Variants in ZBTB20 observed in about 807,000 individuals in gnomAD.
ZBTB20 encodes the protein zinc finger and BTB domain containing 20.
In ZBTB20, 9 loss-of-function variants were observed where a neutral mutation model predicts 56.9. The ratio of observed to expected loss-of-function variants is 0.16; its 90% CI spans 0.10 to 0.28. The LOEUF is 0.28. ZBTB20 is among the 10% of genes least tolerant of loss of function. The pLI is 1.00. For missense variants in ZBTB20, 655 were observed against 1,003.0 expected (o/e 0.65, Z 4.69); for synonymous variants, 417 against 420.7 (o/e 0.99, Z 0.11).
chr3:114,446,367 T>C (rs1013812839), intron 7 of ZBTB20, among the ~76,000 whole-genome samples: 2 of 152,178 alleles, frequency 1.3e-5, no homozygotes, highest in Non-Finnish European at 2.9e-5. Context: ...ACAAATGTTA[T>C]TCTCATCATG....
At chr3:114,662,242 T>G (rs1175128859) in intron 6 of ZBTB20, among the ~76,000 whole-genome samples, 1 of 152,126 alleles carries the variant, frequency 6.6e-6, no homozygotes, top group East Asian at 1.9e-4. Flanking sequence ...ACTCATCATT[T>G]TTTATGGCTG....
At chr3:115,086,141 C>T (rs1035613144) in intron 1 of ZBTB20, among the ~76,000 whole-genome samples, 2 of 151,816 alleles carry the variant, frequency 1.3e-5, no homozygotes, top group African/African-American at 2.4e-5. Flanking sequence ...CCTTTTATCT[C>T]ACTAATAAAT....
chr3:114,454,308 C>T (rs1213896075), intron 7 of ZBTB20, among the ~76,000 whole-genome samples: 1 of 151,326 alleles, frequency 6.6e-6, no homozygotes, highest in Admixed American at 6.6e-5. Context: ...CCGTCTAAAT[C>T]CACCTGCTAG....
At chr3:114,893,958 C>T (rs1022620386) in intron 4 of ZBTB20, among the ~76,000 whole-genome samples, 9 of 152,136 alleles carry the variant, frequency 5.9e-5, no homozygotes, top group East Asian at 1.9e-4. Flanking sequence ...GTAAACACGT[C>T]GGCAGTCAGT....
intron 3 of ZBTB20, among the ~76,000 whole-genome samples, chr3:114,916,061 G>C (rs2075732135): frequency 6.6e-6 from 1 of 152,040 alleles, no homozygotes. Flanking sequence ...ATATGTATTA[G>C]GTTCATTCAG....
intron 3 of ZBTB20, among the ~76,000 whole-genome samples, chr3:114,937,471 G>C (rs1335074259): frequency 6.6e-6 from 1 of 151,458 alleles, no homozygotes; most frequent in Non-Finnish European, 1.5e-5. Flanking sequence ...GCCCATGCTG[G>C]AGTGCCGGGG....
chr3:114,520,317 T>C (rs1218193889), intron 6 of ZBTB20, among the ~76,000 whole-genome samples: 1 of 152,128 alleles, frequency 6.6e-6, no homozygotes, highest in Non-Finnish European at 1.5e-5. Flanking sequence ...TAGGGGGACG[T>C]CATTAACAAT....
chr3:114,363,976 C>T (rs1179393877), intron 10 of ZBTB20, among the ~76,000 whole-genome samples: 3 of 152,130 alleles, frequency 2.0e-5, no homozygotes, highest in Non-Finnish European at 4.4e-5. Context: ...AGATACAGGC[C>T]TACTATTGAA....
intron 3 of ZBTB20, among the ~76,000 whole-genome samples, chr3:114,937,763 C>A: frequency 6.6e-6 from 1 of 152,102 alleles, no homozygotes; most frequent in East Asian, 1.9e-4. Context: ...TATCCTTCAG[C>A]CACGTTTTGA....
rs574529562 is a variant in ZBTB20, at chr3:114,450,834, G to A, written c.-255+49518C>T. On this transcript the variant is annotated intron_variant, in intron 7 of 11. Coordinates refer to ENST00000675478, the MANE Select transcript of ZBTB20 (RefSeq NM_001348800.3). ...GTAATAACATCGGCACAATTCATCT[G>A]TTTTTCATAGCAAGCGTGGAAAAGA... is the stretch of plus-strand genomic sequence containing the variant. 2.0e-5 allele frequency among the ~76,000 whole-genome samples: 3 copies of A among 152,104 alleles called. No homozygotes were observed. In the East Asian group the frequency reaches 5.8e-4, roughly 29 times the overall value.
chr3:114,905,828 G>C (rs1356003386), intron 3 of ZBTB20, among the ~76,000 whole-genome samples: 6 of 151,844 alleles, frequency 4.0e-5, no homozygotes, highest in Admixed American at 2.0e-4. Context: ...ACAAGAATGA[G>C]TTGTCCAAAT....
chr3:114,543,269 T>G (rs1045481660), intron 6 of ZBTB20, among the ~76,000 whole-genome samples: 2 of 143,472 alleles, frequency 1.4e-5, no homozygotes, highest in East Asian at 4.0e-4. Context: ...TTTTTTATTG[T>G]TTTTTTTCCA....
intron 1 of ZBTB20, among the ~76,000 whole-genome samples, chr3:115,098,022 ATTAC>A (rs2083442093): frequency 6.6e-6 from 1 of 152,232 alleles, no homozygotes; most frequent in South Asian, 2.1e-4. Flanking sequence ...TGGCTACATT[ATTAC>A]TTGCTTTTAT....
intron 6 of ZBTB20, among the ~76,000 whole-genome samples, chr3:114,516,402 G>T (rs943408935): frequency 1.3e-5 from 2 of 152,106 alleles, no homozygotes; most frequent in Non-Finnish European, 2.9e-5. Flanking sequence ...CACAGTAAAT[G>T]CTATTTAATA....
intron 5 of ZBTB20, among the ~76,000 whole-genome samples, chr3:114,775,999 A>C (rs1314727415): frequency 6.7e-6 from 1 of 150,360 alleles, no homozygotes; most frequent in Middle Eastern, 3.3e-3. Context: ...TGATGCCTGG[A>C]TCTGCCATGT....
At chr3:115,091,037 A>G (rs2083174053) in intron 1 of ZBTB20, among the ~76,000 whole-genome samples, 1 of 151,954 alleles carries the variant, frequency 6.6e-6, no homozygotes, top group Non-Finnish European at 1.5e-5. Context: ...CTTACTATAT[A>G]AGTTCATTGT....
intron 5 of ZBTB20, among the ~76,000 whole-genome samples, chr3:114,764,584 G>A (rs535011552): frequency 3.3e-5 from 5 of 152,220 alleles, no homozygotes; most frequent in Non-Finnish European, 5.9e-5. Context: ...ATTGAATGAC[G>A]GAAGTCTAAC....
intron 3 of ZBTB20, among the ~76,000 whole-genome samples, chr3:114,926,257 C>T (rs1453704918): frequency 1.2e-5 from 1 of 82,694 alleles, no homozygotes. Context: ...ATGTGAAACT[C>T]ACTTCATCTC....
At chr3:114,826,552 T>C (rs1160986223) in intron 4 of ZBTB20, among the ~76,000 whole-genome samples, 2 of 151,804 alleles carry the variant, frequency 1.3e-5, no homozygotes, top group African/African-American at 4.8e-5. Flanking sequence ...AGAAACAATT[T>C]TGAAGTACAG....
Sources: allele counts gnomAD v4.1 joint callset (sites outside exome capture counted in the v4.1 genomes callset), GRCh38; gene constraint gnomAD v4.1.1; transcripts MANE v1.5; gene names NCBI Gene and HGNC (gene_info 2026-07-23, HGNC 2026-07-21).